The following AVL9 variants were observed in gnomAD, a reference collection of about 807,000 sequenced individuals.
The protein encoded by AVL9 is AVL9 cell migration associated.
In AVL9, 49 loss-of-function variants were observed where a neutral mutation model predicts 79.2. The ratio of observed to expected loss-of-function variants is 0.62; its 90% CI spans 0.49 to 0.79. The LOEUF is 0.79. AVL9 is among the 30% of genes least tolerant of loss of function. The pLI is 0.00. For missense variants in AVL9, 682 were observed against 776.8 expected (o/e 0.88, Z 1.45); for synonymous variants, 299 against 280.6 (o/e 1.07, Z -0.65).
At chr7:32,551,492 G>C in intron 5 of AVL9, 69 bp downstream of exon 5, 1 of 772,212 alleles carries the variant, frequency 1.3e-6, no homozygotes, top group Non-Finnish European at 2.1e-6. Flanking sequence ...AATATTGTCA[G>C]TAATACTGTG....
At chr7:32,539,088 C>G (rs1267351734) in intron 1 of AVL9, 1 of 152,208 alleles carries the variant, frequency 6.6e-6, no homozygotes, top group Non-Finnish European at 1.5e-5. Flanking sequence ...CCCGTCTCTC[C>G]TAAAAATACA....
rs777154827 is a variant in AVL9 at position 32,501,471 on chromosome 7, C to T, written c.93+5669C>T. Among the ~76,000 whole-genome samples the T allele has an allele frequency of 4.7e-4, 71 of 152,268 alleles. 1 individual carries two copies. Among genetic ancestry groups the T allele is most frequent in the Non-Finnish European group, 7.9e-4 (54 of 68,004 alleles). On this transcript the variant is annotated intron_variant, in intron 1 of 15. Transcript: ENST00000318709. ...CTGGCCCTTCACTGCACTTTTATTT[C>T]TTCAACTTTAATATTTTGGTAGATG...
chr7:32,562,719 G>GAA lies in AVL9; in HGVS notation c.1215+3257_1215+3258dup. 5.6e-6 allele frequency: 3 copies of GAA among 534,376 alleles called. No individual in the cohort carries two copies. In the South Asian group the frequency reaches 2.4e-4, roughly 43 times the overall value. The allele number at this position is 534,376 out of a possible 1,614,324, so 33.1% of individuals were successfully genotyped here. ...GAGGATTGCTTGAAACCAGGATCTA[G>GAA]AAACCAGCCTGTGCAACAAAGCAAG... On this transcript the variant is annotated intron_variant, in intron 10 of 15. Transcript: ENST00000318709.
intron 12 of AVL9, among the ~76,000 whole-genome samples, chr7:32,575,500 G>A (rs555651891): frequency 1.6e-4 from 24 of 146,596 alleles, no homozygotes; most frequent in African/African-American, 5.6e-4. Context: ...ACCAATTTGT[G>A]TATTCATTCT....
intron 1 of AVL9, among the ~76,000 whole-genome samples, chr7:32,541,097 T>C (rs1789177159): frequency 6.6e-6 from 1 of 151,726 alleles, no homozygotes; most frequent in Non-Finnish European, 1.5e-5. Flanking sequence ...GAGACGGGGT[T>C]TCACCGTTTT....
intron 4 of AVL9, among the ~76,000 whole-genome samples, chr7:32,550,464 CTA>C (rs1488751249): frequency 6.6e-6 from 1 of 151,986 alleles, no homozygotes; most frequent in South Asian, 2.1e-4. Context: ...TTTTTCTGGT[CTA>C]TGTATTGAAG....
intron 1 of AVL9, among the ~76,000 whole-genome samples, chr7:32,500,640 T>C (rs539961923): frequency 6.6e-6 from 1 of 152,302 alleles, no homozygotes; most frequent in East Asian, 1.9e-4. Flanking sequence ...ATTTTGTCTT[T>C]TGTTGCAATT....
rs1179274024 is a variant in AVL9 at position 32,544,780 on chromosome 7, G to C, written c.300+1G>C. The C allele has an allele frequency of 6.2e-7, 1 of 1,610,598 alleles. No individual in the cohort carries two copies. Among genetic ancestry groups the C allele is most frequent in the African/African-American group, 1.3e-5 (1 of 74,816 alleles). On this transcript the variant is annotated splice_donor_variant, in intron 3 of 15. Coordinates refer to ENST00000318709, the MANE Select transcript of AVL9 (RefSeq NM_015060.3). LOFTEE classifies it high-confidence loss of function. ...TTGCTATCGACAAATTGAAGCCAAG[G>C]TACGATAGTTAATAGTGAAAAACAA...
chr7:32,527,983 AC>A (rs1788477808), intron 1 of AVL9, among the ~76,000 whole-genome samples: 1 of 151,996 alleles, frequency 6.6e-6, no homozygotes. Flanking sequence ...ATCAACACAG[AC>A]CTTAAATCTG....
intron 1 of AVL9, among the ~76,000 whole-genome samples, chr7:32,503,693 T>G (rs1449691140): frequency 6.6e-6 from 1 of 152,032 alleles, no homozygotes; most frequent in Non-Finnish European, 1.5e-5. Flanking sequence ...TCTTTTTTTT[T>G]TTGTTTCGAG....
At position 32,584,304 on chromosome 7, in the gene AVL9, A is replaced by G. The variant is rs1791662814; in HGVS notation, c.*397A>G. 1 of 181,844 alleles carries G rather than the reference A, an allele frequency of 5.5e-6. No homozygotes were observed. Among genetic ancestry groups the G allele is most frequent in the African/African-American group, 2.4e-5 (1 of 42,284 alleles). The allele number at this position is 181,844 out of a possible 1,614,324, so 11.3% of individuals were successfully genotyped here. A position where few individuals can be genotyped will look rare whatever the true frequency, so the allele number is the denominator to read the frequency against. ...ATACTTGCTAAAATTAATTTATATT[A>G]CCATTTTCTCTAAAGTTGGCCTTAA... On this transcript the variant is annotated 3_prime_UTR_variant, in exon 16 of 16. Coordinates refer to ENST00000318709, the MANE Select transcript of AVL9 (RefSeq NM_015060.3).
chr7:32,506,440 C>T lies in AVL9; in HGVS notation c.93+10638C>T, dbSNP rs949688835. ...ACTAATGAGAGGGTAGCCTGTACAG[C>T]GAGGATAAGCTGGTTGATGGGATGA... On this transcript the variant is annotated intron_variant, in intron 1 of 15. Transcript: ENST00000318709. Among the ~76,000 whole-genome samples, 9 of 152,026 alleles carry T rather than the reference C, an allele frequency of 5.9e-5. No individual in the cohort carries two copies. In the East Asian group the frequency reaches 1.5e-3, roughly 26 times the overall value.
At chr7:32,513,710 AAGTGGGCCC>A (rs1367255573) in intron 1 of AVL9, among the ~76,000 whole-genome samples, 2 of 152,192 alleles carry the variant, frequency 1.3e-5, no homozygotes, top group Non-Finnish European at 2.9e-5. Context: ...AGAGGACGAA[AAGTGGGCCC>A]AGGGGACCAG....
intron 1 of AVL9, among the ~76,000 whole-genome samples, chr7:32,517,179 A>C (rs1346460880): frequency 6.6e-6 from 1 of 152,132 alleles, no homozygotes; most frequent in African/African-American, 2.4e-5. Context: ...TTATGTGTAC[A>C]TATGCATATT....
At chr7:32,556,645 G>A (rs1160177019) in intron 8 of AVL9, among the ~76,000 whole-genome samples, 1 of 151,908 alleles carries the variant, frequency 6.6e-6, no homozygotes, top group Non-Finnish European at 1.5e-5. Context: ...TTCTAAAATT[G>A]TGATAAAATA....
At chr7:32,580,735 CTG>C in intron 14 of AVL9, 65 bp from the exon 15 acceptor site, 1 of 1,040,018 alleles carries the variant, frequency 9.6e-7, no homozygotes, top group East Asian at 2.5e-5. Context: ...CTATATGTGT[CTG>C]TGTGCGTGTG....
At chr7:32,566,219 C>A (rs1309500088) in intron 10 of AVL9, among the ~76,000 whole-genome samples, 1 of 98,106 alleles carries the variant, frequency 1.0e-5, no homozygotes, top group Non-Finnish European at 1.9e-5. Context: ...CACTCTTGCC[C>A]AGCCTGGAAT....
intron 1 of AVL9, among the ~76,000 whole-genome samples, chr7:32,522,270 A>T (rs1583511659): frequency 1.3e-5 from 2 of 152,164 alleles, no homozygotes; most frequent in Admixed American, 1.3e-4. Flanking sequence ...AGCTGCAGAC[A>T]CTCAACGCCA....
chr7:32,565,799 A>G (rs1790539737), intron 10 of AVL9, among the ~76,000 whole-genome samples: 1 of 151,976 alleles, frequency 6.6e-6, no homozygotes, highest in Non-Finnish European at 1.5e-5. Context: ...TCTGAGGTCA[A>G]GAGATCAAGA....
Sources: allele counts gnomAD v4.1 joint callset (sites outside exome capture counted in the v4.1 genomes callset), GRCh38; gene constraint gnomAD v4.1.1; transcripts MANE v1.5; gene names NCBI Gene and HGNC (gene_info 2026-07-23, HGNC 2026-07-21).